Variants in ATP8A2 observed in about 807,000 individuals in gnomAD.
The protein encoded by ATP8A2 is phospholipid-transporting ATPase IB.
Under a neutral mutation model 165.6 loss-of-function variants are expected in ATP8A2, and 100 were observed. The observed-to-expected ratio is 0.60, with a 90% CI of 0.51 to 0.71. ATP8A2 has a LOEUF of 0.71. Among genes scored for constraint, ATP8A2 ranks in the 30% least tolerant of loss-of-function variants. The pLI, the probability that ATP8A2 is intolerant of heterozygous loss-of-function variation, is 0.00. For synonymous variants in ATP8A2, 543 were observed against 548.8 expected (o/e 0.99, Z 0.15); for missense variants, 1,227 against 1,479.5 (o/e 0.83, Z 2.80).
intron 24 of ATP8A2, among the ~76,000 whole-genome samples, chr13:25,607,590 T>C (rs1385689287): frequency 6.6e-6 from 1 of 152,256 alleles, no homozygotes; most frequent in East Asian, 1.9e-4. Context: ...ACATATTTAC[T>C]ATCTGGTTCT....
chr13:25,542,128 A>C, intron 9 of ATP8A2, 82 bp downstream of exon 9: 1 of 1,383,558 alleles, frequency 7.2e-7, no homozygotes, highest in South Asian at 1.3e-5. Flanking sequence ...TTTGTTTCCT[A>C]GTTTTGTAAT....
chr13:25,657,809 G>A (rs1204986993), intron 24 of ATP8A2, among the ~76,000 whole-genome samples: 3 of 152,218 alleles, frequency 2.0e-5, no homozygotes, highest in Admixed American at 1.3e-4. Flanking sequence ...GCGTTAACAC[G>A]TAATTTAGTA....
At chr13:25,636,587 A>G (rs915803275) in intron 24 of ATP8A2, among the ~76,000 whole-genome samples, 1 of 152,182 alleles carries the variant, frequency 6.6e-6, no homozygotes, top group Non-Finnish European at 1.5e-5. Flanking sequence ...CAAAACAGAT[A>G]TGACAATCCA....
intron 1 of ATP8A2, among the ~76,000 whole-genome samples, chr13:25,462,827 A>T (rs2035539674): frequency 6.6e-6 from 1 of 152,202 alleles, no homozygotes; most frequent in Admixed American, 6.5e-5. Flanking sequence ...CCCACCATGA[A>T]TAGCAAAGAT....
intron 35 of ATP8A2, among the ~76,000 whole-genome samples, chr13:25,989,180 T>A (rs996431991): frequency 6.6e-6 from 1 of 152,248 alleles, no homozygotes; most frequent in Non-Finnish European, 1.5e-5. Flanking sequence ...TTTGTTTGGA[T>A]GCTTATTTGA....
chr13:25,851,539 C>T (rs1256213037), intron 30 of ATP8A2, among the ~76,000 whole-genome samples: 11 of 150,878 alleles, frequency 7.3e-5, no homozygotes, highest in Admixed American at 2.0e-4. Context: ...GCTGAGATCG[C>T]GCCACTGCAC....
chr13:25,666,715 C>T (rs1271707277), intron 24 of ATP8A2, among the ~76,000 whole-genome samples: 1 of 152,062 alleles, frequency 6.6e-6, no homozygotes, highest in Non-Finnish European at 1.5e-5. Flanking sequence ...CACCAAAAGG[C>T]ATTATGACAA....
intron 24 of ATP8A2, among the ~76,000 whole-genome samples, chr13:25,649,922 C>G (rs550151691): frequency 1.3e-5 from 2 of 152,186 alleles, no homozygotes; most frequent in South Asian, 2.1e-4. Flanking sequence ...CCACCAAGAT[C>G]TGTACACTCA....
intron 24 of ATP8A2, among the ~76,000 whole-genome samples, chr13:25,661,411 T>C (rs68143327): frequency 0.089 from 13,620 of 152,290 alleles, 660 homozygotes; most frequent in Non-Finnish European, 0.12. Flanking sequence ...TATTGACTGG[T>C]GTTTTCATTG....
chr13:25,606,589 C>G (rs2040523350), intron 24 of ATP8A2, among the ~76,000 whole-genome samples: 1 of 152,016 alleles, frequency 6.6e-6, no homozygotes, highest in African/African-American at 2.4e-5. Context: ...TATTTTTGTC[C>G]AACTGAGCAT....
chr13:25,813,677 T>TA (rs1555270871), intron 27 of ATP8A2, among the ~76,000 whole-genome samples: 1 of 152,126 alleles, frequency 6.6e-6, no homozygotes, highest in African/African-American at 2.4e-5. Flanking sequence ...TAGCCATGTG[T>TA]CCCCAGTACC....
At chr13:25,668,832 T>C (rs983630448) in intron 24 of ATP8A2, among the ~76,000 whole-genome samples, 1 of 152,194 alleles carries the variant, frequency 6.6e-6, no homozygotes, top group African/African-American at 2.4e-5. Flanking sequence ...TGAACCCCTT[T>C]AGTGAATTTT....
At chr13:25,822,571 A>G (rs1398478252) in intron 27 of ATP8A2, among the ~76,000 whole-genome samples, 1 of 152,100 alleles carries the variant, frequency 6.6e-6, no homozygotes, top group East Asian at 1.9e-4. Context: ...ATCACACTCC[A>G]TATACTCTTT....
At chr13:25,627,158 G>T (rs1043269867) in intron 24 of ATP8A2, among the ~76,000 whole-genome samples, 12 of 152,056 alleles carry the variant, frequency 7.9e-5, no homozygotes, top group Non-Finnish European at 1.5e-4. Context: ...TGGGACCAGG[G>T]GTGGATATGC....
At chr13:25,793,428 A>T (rs967454943) in intron 27 of ATP8A2, among the ~76,000 whole-genome samples, 1 of 152,224 alleles carries the variant, frequency 6.6e-6, no homozygotes, top group Non-Finnish European at 1.5e-5. Flanking sequence ...TAACAAGCAT[A>T]GAGATGAAAA....
chr13:25,701,382 A>C (rs1431164498), intron 25 of ATP8A2, among the ~76,000 whole-genome samples: 1 of 152,158 alleles, frequency 6.6e-6, no homozygotes, highest in East Asian at 1.9e-4. Context: ...TTGTTTCTAC[A>C]TTGTAAAGCT....
At chr13:25,411,582 T>A (rs1249911593) in intron 1 of ATP8A2, among the ~76,000 whole-genome samples, 1 of 152,200 alleles carries the variant, frequency 6.6e-6, no homozygotes, top group Non-Finnish European at 1.5e-5. Context: ...AGCCATATAA[T>A]GAGGTGCCAT....
intron 24 of ATP8A2, among the ~76,000 whole-genome samples, chr13:25,625,393 G>A (rs4073365): frequency 0.51 from 77,072 of 152,092 alleles, 20,874 homozygotes; most frequent in Admixed American, 0.61. Context: ...TCCACACAAC[G>A]TGAAGTAATT....
chr13:25,452,372 C>G (rs1481550069), intron 1 of ATP8A2, among the ~76,000 whole-genome samples: 2 of 152,194 alleles, frequency 1.3e-5, no homozygotes, highest in African/African-American at 4.8e-5. Context: ...TTCTCAATCT[C>G]TTCTTCACCA....
Sources: gnomAD v4.1 joint callset for allele counts (sites outside exome capture counted in the v4.1 genomes callset) on GRCh38, gnomAD v4.1.1 for gene constraint, MANE v1.5 for transcripts, NCBI Gene and HGNC (gene_info 2026-07-23, HGNC 2026-07-21) for gene names.